AMD1: variants seen among roughly 807,000 people sequenced by gnomAD.
AMD1 encodes the protein adenosylmethionine decarboxylase 1.
A neutral mutation model predicts 40.2 loss-of-function variants in AMD1; 11 were observed. That is an observed-to-expected ratio of 0.27 (90% CI 0.17 to 0.45). The LOEUF is 0.45. Ranked by LOEUF, AMD1 falls within the 20% of genes least tolerant of loss-of-function variation. AMD1 has a pLI of 1.00. For synonymous variants in AMD1, 121 were observed against 130.8 expected (o/e 0.93, Z 0.51); for missense variants, 257 against 410.2 (o/e 0.63, Z 3.23).
At chr6:110,889,179 A>G in intron 3 of AMD1, 196 bp downstream of exon 3, 1 of 429,560 alleles carries the variant, frequency 2.3e-6, no homozygotes, top group South Asian at 6.6e-5. Context: ...ATGAGTTAGG[A>G]TGAAATTCAA....
intron 3 of AMD1, 130 bp downstream of exon 3, chr6:110,889,113 TCATA>T: frequency 9.3e-7 from 1 of 1,071,480 alleles, no homozygotes; most frequent in Non-Finnish European, 1.3e-6. Context: ...GGTAAGGTGT[TCATA>T]CCTTAGGAAG....
intron 1 of AMD1, among the ~76,000 whole-genome samples, 186 bp downstream of exon 1, chr6:110,875,401 G>A (rs1785040954): frequency 6.6e-6 from 1 of 152,124 alleles, no homozygotes; most frequent in Admixed American, 6.5e-5. Context: ...ACGCGGGCCG[G>A]AGCCGGCTTC....
chr6:110,828,384 G>A, the AMD1 span, among the ~76,000 whole-genome samples: 2 of 151,524 alleles, frequency 1.3e-5, no homozygotes, highest in Admixed American at 6.6e-5. Flanking sequence ...AGTGAGCTAA[G>A]ATCACGCCAT....
chr6:110,848,414 C>T, the AMD1 span: 175 of 170,042 alleles, frequency 1.0e-3, 2 homozygotes, highest in South Asian at 4.1e-3. Context: ...CCCAGCTATT[C>T]GGAAGGCTGA....
the AMD1 span, chr6:110,858,459 A>G: frequency 2.6e-6 from 3 of 1,153,746 alleles, no homozygotes; most frequent in African/African-American, 1.5e-5. Flanking sequence ...TCAGTCCTCA[A>G]GATCAACCGT....
chr6:110,885,160 A>G lies in AMD1; in HGVS notation c.111-2345A>G, dbSNP rs570987715. Reference sequence around the variant, plus strand: ...AGATGGAGATTCACTTTTGTCGCCCAGGCTGGAATGCAGTGGTGCGATCTC... The same window carrying G: ...AGATGGAGATTCACTTTTGTCGCCCGGGCTGGAATGCAGTGGTGCGATCTC... On this transcript the variant is annotated intron_variant, in intron 1 of 8. Transcript: ENST00000368885. Among the ~76,000 whole-genome samples the G allele has an allele frequency of 6.6e-5, 10 of 152,320 alleles. No individual in the cohort carries two copies. The East Asian group carries it at 1.7e-3, about 26-fold the overall frequency.
At chr6:110,823,475 C>G in the AMD1 span, among the ~76,000 whole-genome samples, 516 of 152,258 alleles carry the variant, frequency 3.4e-3, 2 homozygotes, top group African/African-American at 0.012. Flanking sequence ...ACCTAGAAAA[C>G]TCCAAAAGAC....
the AMD1 span, among the ~76,000 whole-genome samples, chr6:110,841,877 A>C: frequency 6.6e-6 from 1 of 152,044 alleles, no homozygotes; most frequent in Non-Finnish European, 1.5e-5. Flanking sequence ...ATCTCAACTC[A>C]TTGCAACCTC....
intron 1 of AMD1, among the ~76,000 whole-genome samples, chr6:110,876,638 C>T (rs1417344781): frequency 2.0e-5 from 3 of 152,144 alleles, no homozygotes; most frequent in African/African-American, 7.2e-5. Flanking sequence ...CTTCGTGTGA[C>T]ACTTAAAATG....
chr6:110,848,959 T>C, the AMD1 span, among the ~76,000 whole-genome samples: 1 of 152,216 alleles, frequency 6.6e-6, no homozygotes, highest in African/African-American at 2.4e-5. Context: ...TGAGCCTTGA[T>C]GGCACCACTG....
chr6:110,833,407 GA>G, the AMD1 span, among the ~76,000 whole-genome samples: 3 of 151,958 alleles, frequency 2.0e-5, no homozygotes, highest in African/African-American at 2.4e-5. Flanking sequence ...GTACCAGGGG[GA>G]AAAAAAGAAC....
At chr6:110,845,961 G>C in the AMD1 span, among the ~76,000 whole-genome samples, 2 of 152,334 alleles carry the variant, frequency 1.3e-5, no homozygotes, top group African/African-American at 4.8e-5. Context: ...CAGATTTTAG[G>C]CCGGGCGTGA....
upstream of AMD1, chr6:110,874,760 A>T: frequency 5.5e-6 from 1 of 180,458 alleles, no homozygotes; most frequent in Non-Finnish European, 1.2e-5. Context: ...GGGATATATA[A>T]GGGCGGTGCT....
At chr6:110,835,021 A>AT in the AMD1 span, among the ~76,000 whole-genome samples, 34,470 of 131,612 alleles carry the variant, frequency 0.26, 5,782 homozygotes, top group East Asian at 0.64. Flanking sequence ...TGCGGATACT[A>AT]TTTTTTTTTT....
chr6:110,870,455 G>T (rs12201267), upstream of AMD1, among the ~76,000 whole-genome samples: 5,636 of 151,960 alleles, frequency 0.037, 131 homozygotes, highest in Middle Eastern at 0.071. Context: ...AAATCTGGTC[G>T]CTACTAAAAA....
chr6:110,840,416 G>T, the AMD1 span, among the ~76,000 whole-genome samples: 6 of 152,018 alleles, frequency 3.9e-5, no homozygotes, highest in Non-Finnish European at 7.4e-5. Context: ...TCAAGGTGGG[G>T]TTCCAACAAC....
chr6:110,866,525 G>C, the AMD1 span, among the ~76,000 whole-genome samples: 1 of 152,186 alleles, frequency 6.6e-6, no homozygotes, highest in African/African-American at 2.4e-5. Context: ...ACAGGTTGTG[G>C]AAGTAGGGAA....
the AMD1 span, among the ~76,000 whole-genome samples, chr6:110,869,192 G>A: frequency 4.5e-4 from 69 of 151,762 alleles, no homozygotes; most frequent in Non-Finnish European, 4.0e-4. Flanking sequence ...GTACAGTGGC[G>A]CTATCTCGGC....
At chr6:110,849,075 C>A in the AMD1 span, among the ~76,000 whole-genome samples, 678 of 152,222 alleles carry the variant, frequency 4.5e-3, 5 homozygotes, top group African/African-American at 0.015. Flanking sequence ...GAGGGAAATC[C>A]TCAGCAGTAT....
Sources: allele counts gnomAD v4.1 joint callset (sites outside exome capture counted in the v4.1 genomes callset), GRCh38; gene constraint gnomAD v4.1.1; transcripts MANE v1.5; gene names NCBI Gene and HGNC (gene_info 2026-07-23, HGNC 2026-07-21).